The following NEK6 variants were observed in gnomAD, a reference collection of about 807,000 sequenced individuals.
NEK6 encodes NIMA related kinase 6, also known as serine/threonine-protein kinase Nek6.
NEK6 carries 27 observed loss-of-function variants against 43.5 expected under a neutral mutation model. That is an observed-to-expected ratio of 0.62 (90% CI 0.46 to 0.86). The LOEUF (loss-of-function observed/expected upper bound fraction) is 0.86, where lower values mean the gene tolerates loss of function less well. Among genes scored for constraint, NEK6 ranks in the 40% least tolerant of loss-of-function variants. NEK6 has a pLI of 0.00. For synonymous variants in NEK6, 167 were observed against 164.1 expected (o/e 1.02, Z -0.14); for missense variants, 318 against 414.4 (o/e 0.77, Z 2.02).
intron 2 of NEK6, among the ~76,000 whole-genome samples, chr9:124,305,553 CAA>C (rs11445181): frequency 1.8e-4 from 22 of 123,666 alleles, no homozygotes; most frequent in Admixed American, 3.3e-4. Context: ...GACCCCATCT[CAA>C]AAAAAAAAAA....
rs184730163 is a variant in NEK6 at position 124,329,332 on chromosome 9, C to T, written c.622+1887C>T. Among the ~76,000 whole-genome samples, 506 of 152,330 alleles carry T rather than the reference C, an allele frequency of 3.3e-3. 1 individual carries two copies. Among genetic ancestry groups the T allele is most frequent in the Non-Finnish European group, 6.0e-3 (411 of 68,026 alleles). On this transcript the variant is annotated intron_variant, in intron 7 of 9. Transcript: ENST00000320246. ...CGTCCTGTCCCCCGTCAGTCAGCACCGAGCCTTTCTCTGTCCCACTGCAGA... is the reference window on the plus strand; with the variant it reads ...CGTCCTGTCCCCCGTCAGTCAGCACTGAGCCTTTCTCTGTCCCACTGCAGA...
intron 2 of NEK6, among the ~76,000 whole-genome samples, chr9:124,308,769 C>T (rs1445744169): frequency 6.6e-6 from 1 of 151,968 alleles, no homozygotes; most frequent in Non-Finnish European, 1.5e-5. Context: ...GGGCCAGCCC[C>T]ACGCCCGTCT....
chr9:124,261,291 T>G (rs531579610), intron 1 of NEK6: 2 of 648,498 alleles, frequency 3.1e-6, no homozygotes, highest in Non-Finnish European at 3.8e-6. Flanking sequence ...CATTTTTTCT[T>G]TTCTTTAAGT....
chr9:124,347,179 T>A (rs1166755044), intron 8 of NEK6, among the ~76,000 whole-genome samples: 1 of 152,166 alleles, frequency 6.6e-6, no homozygotes, highest in African/African-American at 2.4e-5. Flanking sequence ...GCAGCTGGCT[T>A]CCACAGGCAG....
intron 8 of NEK6, among the ~76,000 whole-genome samples, chr9:124,342,712 C>A (rs1430037944): frequency 6.6e-6 from 1 of 152,272 alleles, no homozygotes; most frequent in Non-Finnish European, 1.5e-5. Flanking sequence ...TCCTCCTTTC[C>A]TCATGTGTCT....
chr9:124,284,308 C>T (rs1832053813), intron 1 of NEK6, among the ~76,000 whole-genome samples: 2 of 152,240 alleles, frequency 1.3e-5, no homozygotes, highest in Admixed American at 1.3e-4. Context: ...AAGATGGCAC[C>T]ACTGCACTCC....
chr9:124,288,547 G>A (rs1832259903), intron 1 of NEK6, among the ~76,000 whole-genome samples: 1 of 152,182 alleles, frequency 6.6e-6, no homozygotes, highest in Non-Finnish European at 1.5e-5. Flanking sequence ...GCCTCCCAAA[G>A]TTCTGGGATT....
chr9:124,306,629 G>A (rs1428605314), intron 2 of NEK6, among the ~76,000 whole-genome samples: 1 of 152,182 alleles, frequency 6.6e-6, no homozygotes, highest in East Asian at 1.9e-4. Context: ...GGGCAGAGTT[G>A]GGATTGGGTC....
intron 8 of NEK6, among the ~76,000 whole-genome samples, chr9:124,340,994 T>C (rs6478657): frequency 0.93 from 140,998 of 152,300 alleles, 66,146 homozygotes; most frequent in East Asian, 1. Context: ...AGATTGAGAC[T>C]ATGAGTTCAA....
rs1829757406 is a variant in NEK6 at position 124,343,441 on chromosome 9, G to A, written c.717+3776G>A. Among the ~76,000 whole-genome samples the A allele has an allele frequency of 6.6e-6, 1 of 152,104 alleles. No homozygotes were observed. The highest frequency in any genetic ancestry group is 6.5e-5 in the Admixed American group (1 of 15,286). On this transcript the variant is annotated intron_variant, in intron 8 of 9. Coordinates refer to ENST00000320246, the MANE Select transcript of NEK6 (RefSeq NM_014397.6). This position sits in a 1 kb window ranked among gnomAD's most constrained non-coding sequence, Gnocchi z 5.1. ...ATCAGGCGCTGACCTAACCCTAGCA[G>A]CCCCGGCCTCACACAGCAGCAGGCT...
At chr9:124,300,793 G>A (rs184288515) in intron 1 of NEK6, among the ~76,000 whole-genome samples, 3 of 146,422 alleles carry the variant, frequency 2.0e-5, no homozygotes, top group Admixed American at 6.7e-5. Context: ...AAGGGCCACC[G>A]CAGGGGAGGG....
intron 1 of NEK6, chr9:124,292,662 A>C: frequency 7.5e-7 from 1 of 1,329,404 alleles, no homozygotes; most frequent in Non-Finnish European, 1.0e-6. Context: ...CCTTCCCTTA[A>C]GCCCCAGCCT....
At chr9:124,342,454 A>G (rs1335923557) in intron 8 of NEK6, among the ~76,000 whole-genome samples, 1 of 152,244 alleles carries the variant, frequency 6.6e-6, no homozygotes, top group South Asian at 2.1e-4. Context: ...GGTGGGCCTC[A>G]GGTGTCCCAT....
chr9:124,339,706 T>TG (rs556415449), intron 8 of NEK6, 41 bp downstream of exon 8: 6 of 1,448,354 alleles, frequency 4.1e-6, no homozygotes. Flanking sequence ...TGGTGGGACA[T>TG]GCATGGGGGG....
chr9:124,323,472 G>A (rs1206499006), intron 5 of NEK6, among the ~76,000 whole-genome samples: 1 of 152,184 alleles, frequency 6.6e-6, no homozygotes, highest in Admixed American at 6.5e-5. Context: ...ACTGGAGGCC[G>A]GGTGGAAGGA....
chr9:124,339,331 A>G (rs973296882), intron 7 of NEK6, among the ~76,000 whole-genome samples: 13 of 137,022 alleles, frequency 9.5e-5, no homozygotes, highest in African/African-American at 3.3e-4. Context: ...GGTCCAGGGA[A>G]TCTGCTTCAA....
intron 1 of NEK6, among the ~76,000 whole-genome samples, chr9:124,284,700 G>T (rs1317575891): frequency 1.3e-5 from 2 of 152,210 alleles, no homozygotes; most frequent in Admixed American, 6.5e-5. Flanking sequence ...CCTGTGGAGG[G>T]AAGAATGTGT....
intron 1 of NEK6, among the ~76,000 whole-genome samples, chr9:124,260,165 G>C (rs1830976862): frequency 6.6e-6 from 1 of 152,182 alleles, no homozygotes; most frequent in East Asian, 1.9e-4. Context: ...CACCTGCCCA[G>C]CCTCACAGCC....
chr9:124,315,397 C>T (rs909944502), intron 4 of NEK6, among the ~76,000 whole-genome samples: 9 of 152,174 alleles, frequency 5.9e-5, no homozygotes, highest in Admixed American at 2.0e-4. Context: ...GGCTGCAAGT[C>T]GGGGGGCCAT....
Sources: gnomAD v4.1 joint callset for allele counts (sites outside exome capture counted in the v4.1 genomes callset) on GRCh38, gnomAD v4.1.1 for gene constraint, Gnocchi (gnomAD v3.1) non-coding constraint, MANE v1.5 for transcripts, NCBI Gene and HGNC (gene_info 2026-07-23, HGNC 2026-07-21) for gene names.